The following IMMP2L variants were observed in gnomAD, a reference collection of about 807,000 sequenced individuals.
IMMP2L encodes the protein mitochondrial inner membrane protease subunit 2.
Under a neutral mutation model 19.3 loss-of-function variants are expected in IMMP2L, and 18 were observed. The ratio of observed to expected loss-of-function variants is 0.93; its 90% confidence interval spans 0.64 to 1.38. IMMP2L has a LOEUF of 1.38. Among genes scored for constraint, IMMP2L ranks in the 40% most tolerant of loss-of-function variants. The probability of loss-of-function intolerance (pLI) is 0.00; values close to 1 mark genes in which losing one functional copy is unlikely to be tolerated. For missense variants in IMMP2L, 233 were observed against 218.2 expected, an observed-to-expected ratio of 1.07 and a Z score of -0.43; for synonymous variants, 76 against 73.0, an observed-to-expected ratio of 1.04 and a Z score of -0.21.
chr7:111,459,735 A>T (rs1383897204), intron 3 of IMMP2L, among the ~76,000 whole-genome samples: 2 of 152,158 alleles, frequency 1.3e-5, no homozygotes, highest in African/African-American at 4.8e-5. Context: ...AATTTCTTAT[A>T]GTAAAATATA....
chr7:111,558,071 G>C (rs1434859956), intron 1 of IMMP2L, among the ~76,000 whole-genome samples: 1 of 151,990 alleles, frequency 6.6e-6, no homozygotes, highest in Non-Finnish European at 1.5e-5. Flanking sequence ...ACTTATTATT[G>C]GACTAAGTAG....
intron 5 of IMMP2L, among the ~76,000 whole-genome samples, chr7:110,882,380 T>C (rs1040743876): frequency 6.8e-6 from 1 of 147,038 alleles, no homozygotes; most frequent in African/African-American, 2.6e-5. Flanking sequence ...TCTCTCCCTC[T>C]CTCTCTCTCT....
At chr7:110,764,358 T>A (rs1798531107) in intron 5 of IMMP2L, among the ~76,000 whole-genome samples, 1 of 152,108 alleles carries the variant, frequency 6.6e-6, no homozygotes, top group African/African-American at 2.4e-5. Context: ...TTTCTGATTT[T>A]CAAGTTTTTA....
chr7:111,470,870 T>TATA (rs1349650028), intron 3 of IMMP2L, among the ~76,000 whole-genome samples: 1 of 150,000 alleles, frequency 6.7e-6, no homozygotes, highest in Non-Finnish European at 1.5e-5. Context: ...AAACTTAAAG[T>TATA]ATAATAATAA....
chr7:111,032,065 A>T (rs989455255), intron 3 of IMMP2L, among the ~76,000 whole-genome samples: 4 of 151,476 alleles, frequency 2.6e-5, no homozygotes, highest in African/African-American at 7.3e-5. Context: ...CAGCCACCCA[A>T]GTAGCTGGAA....
At chr7:111,152,646 A>C (rs1485314961) in intron 3 of IMMP2L, among the ~76,000 whole-genome samples, 1 of 152,130 alleles carries the variant, frequency 6.6e-6, no homozygotes, top group African/African-American at 2.4e-5. Context: ...TACCAGAACA[A>C]AAGCAGATGC....
At chr7:110,689,075 A>C (rs1318338425) in intron 5 of IMMP2L, among the ~76,000 whole-genome samples, 1 of 152,156 alleles carries the variant, frequency 6.6e-6, no homozygotes, top group Non-Finnish European at 1.5e-5. Context: ...CTAGAAATGC[A>C]AATTTGTGGG....
chr7:110,676,991 T>A (rs1024446486), intron 5 of IMMP2L, among the ~76,000 whole-genome samples: 1 of 152,170 alleles, frequency 6.6e-6, no homozygotes, highest in African/African-American at 2.4e-5. Flanking sequence ...TTCAACATGA[T>A]GCAACAAGTG....
At chr7:110,726,658 C>T (rs1562940026) in intron 5 of IMMP2L, among the ~76,000 whole-genome samples, 1 of 152,132 alleles carries the variant, frequency 6.6e-6, no homozygotes, top group Non-Finnish European at 1.5e-5. Context: ...CTCACCTCAG[C>T]GTGGGGAAAG....
chr7:111,203,739 A>G (rs214455), intron 3 of IMMP2L, among the ~76,000 whole-genome samples: 87,254 of 151,332 alleles, frequency 0.58, 25,474 homozygotes, highest in Non-Finnish European at 0.61. Flanking sequence ...TTGATACAAC[A>G]AATCAAAAAA....
chr7:111,415,685 C>T (rs534837794), intron 3 of IMMP2L, among the ~76,000 whole-genome samples: 4 of 151,614 alleles, frequency 2.6e-5, no homozygotes, highest in Non-Finnish European at 5.9e-5. Flanking sequence ...GTATATATGA[C>T]ACAACCACAG....
In IMMP2L at chr7:111,042,165, C is replaced by G. The variant is rs541204195; in HGVS notation, c.240-78600G>C. Among the ~76,000 whole-genome samples, 97 of 152,048 alleles carry G rather than the reference C, an allele frequency of 6.4e-4. 1 individual carries two copies. The highest frequency in any genetic ancestry group is 2.3e-3 in the African/African-American group (95 of 41,506). On this transcript the variant is annotated intron_variant, in intron 3 of 5. Transcript: ENST00000405709. ...ATGTCCTGAGTTTTAATATGGCCAT[C>G]ATAGATACCATTTAAAGTTTTTTCT...
At chr7:111,026,308 C>T (rs1285254421) in intron 3 of IMMP2L, among the ~76,000 whole-genome samples, 2 of 152,038 alleles carry the variant, frequency 1.3e-5, no homozygotes, top group East Asian at 1.9e-4. Context: ...TATCTTTTTG[C>T]TCCCTATAAA....
chr7:110,665,299 A>C (rs1396728953), intron 5 of IMMP2L, among the ~76,000 whole-genome samples: 1 of 152,212 alleles, frequency 6.6e-6, no homozygotes, highest in East Asian at 1.9e-4. Flanking sequence ...AGACATGTAC[A>C]CAGCTACTTC....
chr7:111,510,991 G>C (rs547251924), intron 2 of IMMP2L, among the ~76,000 whole-genome samples: 7 of 152,240 alleles, frequency 4.6e-5, no homozygotes, highest in Admixed American at 4.6e-4. Context: ...AGACAGAGGA[G>C]AGAGCATGGA....
chr7:110,715,224 T>C (rs1795161590), intron 5 of IMMP2L, among the ~76,000 whole-genome samples: 2 of 152,186 alleles, frequency 1.3e-5, no homozygotes, highest in South Asian at 4.1e-4. Flanking sequence ...GAACCAACTT[T>C]TGGTTTTGTG....
At chr7:111,315,189 T>C (rs1296068737) in intron 3 of IMMP2L, among the ~76,000 whole-genome samples, 7 of 152,124 alleles carry the variant, frequency 4.6e-5, no homozygotes, top group African/African-American at 7.2e-5. Flanking sequence ...AAATATCCTC[T>C]TTAATCAAAA....
intron 5 of IMMP2L, among the ~76,000 whole-genome samples, chr7:110,847,318 A>G (rs916474056): frequency 6.6e-6 from 1 of 152,198 alleles, no homozygotes; most frequent in Non-Finnish European, 1.5e-5. Context: ...TAATACATGC[A>G]AAGCACCTGA....
chr7:111,270,963 C>T lies in IMMP2L; in HGVS notation c.239+216275G>A, dbSNP rs187363807. Among the ~76,000 whole-genome samples, 8 of 152,258 alleles carry T rather than the reference C, an allele frequency of 5.3e-5. No homozygotes were observed. In the East Asian group the frequency reaches 1.5e-3, roughly 29 times the overall value. ...ACTCCCGCTAAGACTATTATATACTCCATTAACATACTGATATGGTTTGGC... is the reference window on the plus strand; with the variant it reads ...ACTCCCGCTAAGACTATTATATACTTCATTAACATACTGATATGGTTTGGC... On this transcript the variant is annotated intron_variant, in intron 3 of 5. Coordinates refer to ENST00000405709, the MANE Select transcript of IMMP2L (RefSeq NM_032549.4).
Sources: allele counts gnomAD v4.1 joint callset (sites outside exome capture counted in the v4.1 genomes callset), GRCh38; gene constraint gnomAD v4.1.1; transcripts MANE v1.5; gene names NCBI Gene and HGNC (gene_info 2026-07-23, HGNC 2026-07-21).